FOXK2: variants seen among roughly 807,000 people sequenced by gnomAD.
The protein encoded by FOXK2 is forkhead box K2, also known as forkhead box protein K2.
A neutral mutation model predicts 53.3 loss-of-function variants in FOXK2; 24 were observed. The ratio of observed to expected loss-of-function variants is 0.45; its 90% CI spans 0.33 to 0.63. The LOEUF is 0.63. Ranked by LOEUF, FOXK2 falls within the 30% of genes least tolerant of loss-of-function variation. The pLI is 0.03. For missense variants in FOXK2, 952 were observed against 910.5 expected (o/e 1.05, Z -0.59); for synonymous variants, 505 against 407.1 (o/e 1.24, Z -2.89).
chr17:82,598,632 A>G (rs568464539), intron 8 of FOXK2, among the ~76,000 whole-genome samples: 151 of 152,360 alleles, frequency 9.9e-4, no homozygotes, highest in African/African-American at 3.4e-3. Context: ...CACTCCTGGA[A>G]TCATGAGCCT....
chr17:82,532,674 C>T (rs1054887329), intron 1 of FOXK2, among the ~76,000 whole-genome samples: 2 of 152,120 alleles, frequency 1.3e-5, no homozygotes, highest in African/African-American at 4.8e-5. Context: ...GCAACCTCTG[C>T]CTCCCGGGTT....
chr17:82,586,092 C>A lies in FOXK2; in HGVS notation c.1468C>A (p.Pro490Thr). 6.2e-7 allele frequency: 1 copy of A among 1,612,748 alleles called. No homozygotes were observed. The highest frequency in any genetic ancestry group is 8.5e-7 in the Non-Finnish European group (1 of 1,179,964). ...VSVTSVAGLA[P>T]ANTYTVSGQA... ...GGTCACCAGTGTGGCCGGACTGGCCCCAGCGAACACGTACACTGTCTCTGG... is the reference window on the plus strand; with the variant it reads ...GGTCACCAGTGTGGCCGGACTGGCCACAGCGAACACGTACACTGTCTCTGG... The change falls in exon 7 of 9, where the codon CCA becomes ACA. Residue 490 changes from proline (P) to threonine (T), a missense_variant. Pro to Thr is a conservative substitution (Grantham distance 38). Coordinates refer to ENST00000335255, the MANE Select transcript of FOXK2 (RefSeq NM_004514.4).
At position 82,603,279 on chromosome 17, in the gene FOXK2, C is replaced by CAGAT. The variant is rs2045407829; in HGVS notation, c.*1782_*1785dup. The CAGAT allele has an allele frequency of 6.6e-6, 1 of 152,292 alleles. No homozygotes were observed. Among genetic ancestry groups the CAGAT allele is most frequent in the Non-Finnish European group, 1.5e-5 (1 of 68,074 alleles). The allele number at this position is 152,292 out of a possible 1,614,324, so 9.4% of individuals were successfully genotyped here. A position where few individuals can be genotyped will look rare whatever the true frequency, so the allele number is the denominator to read the frequency against. On this transcript the variant is annotated 3_prime_UTR_variant, in exon 9 of 9. Transcript: ENST00000335255. ...CTGTCTGCATCTTCCAAGCACTTTA[C>CAGAT]AGATACCTTGGAATGTATATTTTTG...
Position 82,587,207 on chromosome 17 carries a change from C to T in FOXK2, c.1721C>T (p.Thr574Ile), listed in dbSNP as rs746244881. The T allele has an allele frequency of 1.9e-6, 3 of 1,613,002 alleles. No individual in the cohort carries two copies. The highest frequency in any genetic ancestry group is 1.3e-5 in the African/African-American group (1 of 74,928). Reference protein sequence around the residue: ...PLGQHQLPIKTVTQNGTHVAS... With the variant: ...PLGQHQLPIKIVTQNGTHVAS... ...GGTCAACACCAGCTACCAATAAAAA[C>T]TGTAACACAAAACGGCACTCACGTG... Residue 574 changes from threonine to isoleucine, a missense_variant, in exon 8 of 9, where the codon ACT becomes ATT. Thr to Ile is a moderately conservative substitution (Grantham distance 89). Coordinates refer to ENST00000335255, the MANE Select transcript of FOXK2 (RefSeq NM_004514.4).
intron 1 of FOXK2, among the ~76,000 whole-genome samples, chr17:82,539,421 A>T (rs1470606780): frequency 6.6e-6 from 1 of 150,962 alleles, no homozygotes; most frequent in African/African-American, 2.4e-5. Flanking sequence ...CTGATGCGGG[A>T]GGATCAGTTG....
At chr17:82,583,316 G>A (rs1283178530) in intron 5 of FOXK2, among the ~76,000 whole-genome samples, 2 of 152,154 alleles carry the variant, frequency 1.3e-5, no homozygotes, top group Admixed American at 6.5e-5. Flanking sequence ...AGGCCGAGGC[G>A]GGCGGATCAC....
chr17:82,587,263 G>A lies in FOXK2; in HGVS notation c.1777G>A (p.Val593Met). 2 of 1,612,678 alleles carry A rather than the reference G, an allele frequency of 1.2e-6. No individual in the cohort carries two copies. The highest frequency in any genetic ancestry group is 1.7e-6 in the Non-Finnish European group (2 of 1,179,706). ...ASVPTAVHGQ[V>M]NNAAASPLHM... is the part of the protein sequence containing the mutation. ...AGTCCCCACTGCGGTCCACGGCCAG[G>A]TGAACAATGGTAAGACATGCTGGTC... The change falls in exon 8 of 9, where the codon GTG becomes ATG. Residue 593 changes from valine (V) to methionine (M), a missense_variant. By Grantham distance (21) the Val-to-Met change is conservative. Around this residue, in one of 5 missense-constraint regions of FOXK2, gnomAD observed 551 missense variants for 385.1 expected, o/e 1.43. Coordinates refer to ENST00000335255, the MANE Select transcript of FOXK2 (RefSeq NM_004514.4).
chr17:82,550,334 C>G (rs1321787656), intron 1 of FOXK2, among the ~76,000 whole-genome samples: 1 of 152,172 alleles, frequency 6.6e-6, no homozygotes, highest in Non-Finnish European at 1.5e-5. Flanking sequence ...TGTTCACACC[C>G]CACCAGGGAC....
intron 1 of FOXK2, among the ~76,000 whole-genome samples, chr17:82,537,245 C>G (rs1285291788): frequency 6.6e-6 from 1 of 152,016 alleles, no homozygotes; most frequent in Non-Finnish European, 1.5e-5. Flanking sequence ...TGGTATGATG[C>G]TTATAGTCTT....
At chr17:82,523,093 G>A (rs1364759437) in intron 1 of FOXK2, among the ~76,000 whole-genome samples, 2 of 152,018 alleles carry the variant, frequency 1.3e-5, no homozygotes, top group Non-Finnish European at 2.9e-5. Flanking sequence ...ACGCCTGGCC[G>A]AATTCAGACC....
intron 6 of FOXK2, 34 bp downstream of exon 6, chr17:82,584,222 C>G (rs2045104075): frequency 1.3e-6 from 2 of 1,541,266 alleles, no homozygotes; most frequent in East Asian, 4.7e-5. Context: ...AGGGCCCCAA[C>G]AGCGTGAGCC....
chr17:82,571,377 G>T (rs990020710), intron 3 of FOXK2, among the ~76,000 whole-genome samples: 1 of 152,164 alleles, frequency 6.6e-6, no homozygotes, highest in Non-Finnish European at 1.5e-5. Flanking sequence ...GAGGCAGGCG[G>T]ATCACCTGAG....
intron 1 of FOXK2, among the ~76,000 whole-genome samples, chr17:82,545,917 C>T (rs913979119): frequency 4.6e-5 from 7 of 151,996 alleles, no homozygotes; most frequent in African/African-American, 1.5e-4. Context: ...TGTTGGAAAG[C>T]GCTTTGTGCA....
At chr17:82,594,800 C>A (rs2045293387) in intron 8 of FOXK2, among the ~76,000 whole-genome samples, 1 of 152,230 alleles carries the variant, frequency 6.6e-6, no homozygotes, top group Non-Finnish European at 1.5e-5. Context: ...AATCCCAGCA[C>A]TTTGGAAGAC....
chr17:82,529,451 A>G (rs962030391), intron 1 of FOXK2, among the ~76,000 whole-genome samples: 1 of 146,030 alleles, frequency 6.8e-6, no homozygotes, highest in Admixed American at 7.0e-5. Flanking sequence ...ATGCAGTGGC[A>G]CGATCTTGGC....
chr17:82,586,210 G>A lies in FOXK2; in HGVS notation c.1576+10G>A. 3.9e-6 allele frequency: 5 copies of A among 1,289,422 alleles called. No homozygotes were observed. Among genetic ancestry groups the A allele is most frequent in the Non-Finnish European group, 5.1e-6 (5 of 971,596 alleles). 79.9% of individuals were successfully genotyped at this position (1,289,422 alleles called of 1,614,324 possible). Reference sequence around the variant, plus strand: ...CACAGGGAAGTCAAAGGTAGGCGGAGGGGAAAGGAGGAGAGGGGAGACCAC... The same window carrying A: ...CACAGGGAAGTCAAAGGTAGGCGGAAGGGAAAGGAGGAGAGGGGAGACCAC... On this transcript the variant is annotated intron_variant, in intron 7 of 8. Coordinates refer to ENST00000335255, the MANE Select transcript of FOXK2 (RefSeq NM_004514.4).
rs187619101 is a variant in FOXK2 at position 82,595,664 on chromosome 17, G to A, written c.1787-5639G>A. ...ATACATGTGGTCACGGTTTTTCTTCGTTGAAAGCTCTAACAGTGGGGTCGG... is the reference window on the plus strand; with the variant it reads ...ATACATGTGGTCACGGTTTTTCTTCATTGAAAGCTCTAACAGTGGGGTCGG... On this transcript the variant is annotated intron_variant, in intron 8 of 8. Coordinates refer to ENST00000335255, the MANE Select transcript of FOXK2 (RefSeq NM_004514.4). The A allele has an allele frequency of 3.9e-5, 30 of 777,782 alleles. No individual in the cohort carries two copies. The Admixed American group carries it at 4.2e-4, about 11-fold the overall frequency. 48.2% of individuals were successfully genotyped at this position (777,782 alleles called of 1,614,324 possible). A position where few individuals can be genotyped will look rare whatever the true frequency, so the allele number is the denominator to read the frequency against.
intron 1 of FOXK2, among the ~76,000 whole-genome samples, chr17:82,522,065 T>TA (rs2044368616): frequency 1.3e-5 from 2 of 148,390 alleles, no homozygotes; most frequent in Non-Finnish European, 3.0e-5. Flanking sequence ...TTTTTTTTTT[T>TA]ACAAAATACT....
chr17:82,551,343 A>G (rs2044675792), intron 1 of FOXK2, among the ~76,000 whole-genome samples: 1 of 151,268 alleles, frequency 6.6e-6, no homozygotes, highest in Non-Finnish European at 1.5e-5. Flanking sequence ...AAAAAAATAA[A>G]AATAAACATG....
Sources: gnomAD v4.1 joint callset for allele counts (sites outside exome capture counted in the v4.1 genomes callset) on GRCh38, gnomAD v4.1.1 for gene constraint, gnomAD v4.1.1 regional missense constraint, MANE v1.5 for transcripts, NCBI Gene and HGNC (gene_info 2026-07-23, HGNC 2026-07-21) for gene names.